SLC22A4: variants seen among roughly 807,000 people sequenced by gnomAD.
SLC22A4 encodes solute carrier family 22 member 4.
In SLC22A4, 39 loss-of-function variants were observed where a neutral mutation model predicts 56.6. The ratio of observed to expected loss-of-function variants is 0.69; its 90% confidence interval spans 0.53 to 0.90. The LOEUF is 0.90. Among genes scored for constraint, SLC22A4 ranks in the 40% least tolerant of loss-of-function variants. SLC22A4 has a pLI of 0.00. For synonymous variants in SLC22A4, 241 were observed against 281.4 expected (o/e 0.86, Z 1.44); for missense variants, 594 against 696.5 (o/e 0.85, Z 1.66).
intron 1 of SLC22A4, among the ~76,000 whole-genome samples, chr5:132,299,613 T>C (rs1040713496): frequency 6.6e-6 from 1 of 151,636 alleles, no homozygotes. Context: ...GTTTGTTTGT[T>C]TGTTTGTTTT....
At chr5:132,315,062 G>A (rs1750303277) in intron 3 of SLC22A4, among the ~76,000 whole-genome samples, 2 of 152,190 alleles carry the variant, frequency 1.3e-5, no homozygotes, top group Non-Finnish European at 2.9e-5. Context: ...TTGGAAACTG[G>A]AGGTTGGAGG....
At position 132,331,799 on chromosome 5, in the gene SLC22A4, T is replaced by C; in HGVS notation, c.995T>C (p.Leu332Pro). 1 of 1,613,966 alleles carries C rather than the reference T, an allele frequency of 6.2e-7. No homozygotes were observed. The highest frequency in any genetic ancestry group is 2.2e-5 in the East Asian group (1 of 44,870). Residue 332 changes from leucine to proline, a missense_variant, in exon 6 of 10, where the codon CTG becomes CCG. Transcript: ENST00000200652. ...CAGCAGAAAGCTTTCATTCTGGACC[T>C]GTTCAGGACTCGGAATATTGCCATA... ...LKQQKAFILD[L>P]FRTRNIAIMT...
chr5:132,326,399 T>C (rs904777354), intron 4 of SLC22A4, among the ~76,000 whole-genome samples: 11 of 152,224 alleles, frequency 7.2e-5, no homozygotes, highest in African/African-American at 2.7e-4. Context: ...ACAGAATGGC[T>C]GTATGTATGA....
chr5:132,340,457 A>G, intron 8 of SLC22A4, 108 bp from the exon 9 acceptor site: 1 of 1,063,972 alleles, frequency 9.4e-7, no homozygotes, highest in South Asian at 1.3e-5. Context: ...AAATGTTCAG[A>G]TTTAAATCCA....
At chr5:132,339,475 T>TACACACACACACACACACACACAC (rs58759726) in intron 8 of SLC22A4, among the ~76,000 whole-genome samples, 2 of 146,742 alleles carry the variant, frequency 1.4e-5, no homozygotes, top group Admixed American at 1.4e-4. Context: ...GGTACACACG[T>TACACACACACACACACACACACAC]ACACACACAC....
At chr5:132,313,799 T>A (rs751209952) in intron 3 of SLC22A4, 31 bp downstream of exon 3, 13 of 1,609,232 alleles carry the variant, frequency 8.1e-6, no homozygotes, top group Non-Finnish European at 1.0e-5. Flanking sequence ...ATGGGGTGCT[T>A]CCCTCTAACC....
Position 132,336,019 on chromosome 5 carries a change from AT to A in SLC22A4, c.1444+22del. 1 of 1,610,098 alleles carries A rather than the reference AT, an allele frequency of 6.2e-7. No individual in the cohort carries two copies. Among genetic ancestry groups the A allele is most frequent in the Non-Finnish European group, 8.5e-7 (1 of 1,176,376 alleles). On this transcript the variant is annotated intron_variant, in intron 8 of 9. Transcript: ENST00000200652. ...TACCTCGGTGAGCTGCATCTTGTGC[AT>A]TTGTTCTTCCTTTAAATTAGTTTTC... is the stretch of plus-strand genomic sequence containing the variant.
chr5:132,328,296 G>A (rs1399859065), intron 5 of SLC22A4, among the ~76,000 whole-genome samples: 2 of 152,170 alleles, frequency 1.3e-5, no homozygotes, highest in Non-Finnish European at 2.9e-5. Flanking sequence ...AAAAAAGACT[G>A]TGGTGGCTTC....
At chr5:132,295,296 ATG>A in intron 1 of SLC22A4, 1 of 638,214 alleles carries the variant, frequency 1.6e-6, no homozygotes, top group South Asian at 1.5e-5. Context: ...AAGAACCTAG[ATG>A]TTGCGTTGGG....
chr5:132,304,260 G>T (rs1366383506), intron 1 of SLC22A4, among the ~76,000 whole-genome samples: 2 of 152,218 alleles, frequency 1.3e-5, no homozygotes, highest in Non-Finnish European at 2.9e-5. Flanking sequence ...AATGAATGAG[G>T]CAACTGGCTA....
rs758414591 is a variant in SLC22A4 at position 132,342,845 on chromosome 5, A to G, written c.1581-915A>G. Among the ~76,000 whole-genome samples the G allele has an allele frequency of 9.2e-5, 14 of 152,232 alleles. No individual in the cohort carries two copies. In the South Asian group the frequency reaches 2.9e-3, roughly 31 times the overall value. ...GGTGCACTGCCCTCCTGGCATGTGG[A>G]TGTGGTCACCAACTCGGAAGTTCTC... On this transcript the variant is annotated intron_variant, in intron 9 of 9. Transcript: ENST00000200652.
At chr5:132,340,991 C>T (rs1326306890) in intron 9 of SLC22A4, among the ~76,000 whole-genome samples, 1 of 149,596 alleles carries the variant, frequency 6.7e-6, no homozygotes, top group Non-Finnish European at 1.5e-5. Context: ...GTGGCAGTCA[C>T]ATGTAATCCC....
chr5:132,300,110 T>C (rs1485064801), intron 1 of SLC22A4, among the ~76,000 whole-genome samples: 2 of 152,224 alleles, frequency 1.3e-5, no homozygotes, highest in African/African-American at 4.8e-5. Flanking sequence ...TGATGAATGC[T>C]CCTCAGTTTG....
chr5:132,304,353 A>G (rs1156705817), intron 1 of SLC22A4, among the ~76,000 whole-genome samples: 1 of 152,242 alleles, frequency 6.6e-6, no homozygotes, highest in Non-Finnish European at 1.5e-5. Context: ...GTGGTGGCTC[A>G]TGCCTGTAAT....
intron 6 of SLC22A4, among the ~76,000 whole-genome samples, chr5:132,332,812 T>G (rs960275012): frequency 2.0e-5 from 3 of 151,892 alleles, no homozygotes; most frequent in Non-Finnish European, 4.4e-5. Context: ...CTAATCTAAG[T>G]TTATTTTTAA....
intron 6 of SLC22A4, among the ~76,000 whole-genome samples, chr5:132,333,701 GGAGGAAAGAGAAAAGAAGA>G (rs950613253): frequency 8.5e-6 from 1 of 118,230 alleles, no homozygotes; most frequent in African/African-American, 3.4e-5. Flanking sequence ...GTGCAGAAAA[GGAGGAAAGAGAAAAGAAGA>G]GAGAGAGAAA....
chr5:132,308,002 T>C (rs1750081309), intron 1 of SLC22A4, among the ~76,000 whole-genome samples: 1 of 152,240 alleles, frequency 6.6e-6, no homozygotes. Context: ...GACTCCTAAT[T>C]AATTGTTCAA....
At chr5:132,295,152 G>A (rs1235871266) in intron 1 of SLC22A4, 143 bp downstream of exon 1, 2 of 995,226 alleles carry the variant, frequency 2.0e-6, no homozygotes, top group South Asian at 1.4e-5. Flanking sequence ...CAGCGGGTGT[G>A]CACCCCAAGA....
chr5:132,341,148 G>A lies in SLC22A4; in HGVS notation c.1580+448G>A, dbSNP rs191869481. Among the ~76,000 whole-genome samples the A allele has an allele frequency of 6.6e-4, 99 of 150,220 alleles. 1 individual carries two copies. Among genetic ancestry groups the A allele is most frequent in the African/African-American group, 2.3e-3 (94 of 40,848 alleles). ...AATAAATAAATAATAGGCCAGGCGC[G>A]GTGGCACATGCCTGTAATCCCAACA... On this transcript the variant is annotated intron_variant, in intron 9 of 9. Transcript: ENST00000200652.
Sources: allele counts gnomAD v4.1 joint callset (sites outside exome capture counted in the v4.1 genomes callset), GRCh38; gene constraint gnomAD v4.1.1; transcripts MANE v1.5; gene names NCBI Gene and HGNC (gene_info 2026-07-23, HGNC 2026-07-21).